The following NR4A2 variants were observed in gnomAD, a reference collection of about 807,000 sequenced individuals.
NR4A2 encodes nuclear receptor subfamily 4 group A member 2.
Under a neutral mutation model 50.5 loss-of-function variants are expected in NR4A2, and 1 was observed. The ratio of observed to expected loss-of-function variants is 0.02; its 90% CI spans 0.01 to 0.09. The LOEUF (loss-of-function observed/expected upper bound fraction) is 0.09. Among genes scored for constraint, NR4A2 ranks in the 10% least tolerant of loss-of-function variants. The pLI, the probability that NR4A2 is intolerant of heterozygous loss-of-function variation, is 1.00. For synonymous variants in NR4A2, 328 were observed against 309.4 expected (o/e 1.06, Z -0.63); for missense variants, 613 against 777.3 (o/e 0.79, Z 2.51).
chr2:156,326,289 C>T lies in NR4A2; in HGVS notation c.1401G>A (p.Gly467=). ...PVEGKLIFCN[G]VVLHRLQCVR... ...CGCATTGCAACCTGTGCAAGACCACCCCATTGCAAAAGATGAGTTTACCCT... is the reference window on the plus strand; with the variant it reads ...CGCATTGCAACCTGTGCAAGACCACTCCATTGCAAAAGATGAGTTTACCCT... The change falls in exon 7 of 8, where the codon GGG becomes GGA. Residue 467 remains glycine, a synonymous_variant. Transcript: ENST00000339562. This position sits in a 1 kb window ranked among gnomAD's most constrained non-coding sequence, Gnocchi z 4.2. The T allele has an allele frequency of 1.2e-6, 2 of 1,614,160 alleles. No individual in the cohort carries two copies. Among genetic ancestry groups the T allele is most frequent in the Non-Finnish European group, 1.7e-6 (2 of 1,180,020 alleles).
At position 156,329,699 on chromosome 2, in the gene NR4A2, A is replaced by G; in HGVS notation, c.488T>C (p.Ile163Thr). 1 of 1,614,000 alleles carries G rather than the reference A, an allele frequency of 6.2e-7. No homozygotes were observed. The highest frequency in any genetic ancestry group is 1.3e-5 in the African/African-American group (1 of 75,014). Residue 163 changes from isoleucine (I) to threonine (T), a missense_variant, in exon 3 of 8, where the codon ATC (isoleucine) becomes ACC (threonine). By Grantham distance (89) the Ile-to-Thr change is moderately conservative. This residue lies in a region of NR4A2 where 275 missense variants were observed against 248.9 expected (regional missense o/e 1.10). Transcript: ENST00000339562. The surrounding 1 kb of genome is among the most constrained non-coding windows in gnomAD (Gnocchi z 7.5). Reference sequence around the variant, plus strand: ...GGAGACTGGCGTTTTCCTCTGCTCGATCATGTGCGTAGTGGCCACGTAGTT... The same window carrying G: ...GGAGACTGGCGTTTTCCTCTGCTCGGTCATGTGCGTAGTGGCCACGTAGTT... ...HQNYVATTHMIEQRKTPVSRL... is the reference protein window; with the variant it reads ...HQNYVATTHMTEQRKTPVSRL...
At position 156,329,061 on chromosome 2, in the gene NR4A2, C is replaced by G. The variant is rs570499510; in HGVS notation, c.864+262G>C. Among the ~76,000 whole-genome samples, 4 of 152,368 alleles carry G rather than the reference C, an allele frequency of 2.6e-5. No homozygotes were observed. Among genetic ancestry groups the G allele is most frequent in the African/African-American group, 9.6e-5 (4 of 41,594 alleles). ...CTTCCAACTCCGGCTCCAGCAACTT[C>G]GGGCGGGGGCCAGCCGGGTCGGCTG... On this transcript the variant is annotated intron_variant, in intron 3 of 7. Transcript: ENST00000339562. This position sits in a 1 kb window ranked among gnomAD's most constrained non-coding sequence, Gnocchi z 7.5.
rs1686736192 is a variant in NR4A2, at chr2:156,328,077, C to T, written c.995-63G>A. 2 of 1,561,510 alleles carry T rather than the reference C, an allele frequency of 1.3e-6. No individual in the cohort carries two copies. The highest frequency in any genetic ancestry group is 1.9e-5 in the Admixed American group (1 of 53,090). ...GCCCAGGCCCAGCTGCTGCCTCGGT[C>T]CCTCCCCGGGGAAGGCCGCAGCCGC... On this transcript the variant is annotated intron_variant, in intron 4 of 7. Coordinates refer to ENST00000339562, the MANE Select transcript of NR4A2 (RefSeq NM_006186.4). The surrounding 1 kb of genome is among the most constrained non-coding windows in gnomAD (Gnocchi z 4.9).
chr2:156,328,545 G>T lies in NR4A2; in HGVS notation c.865-12C>A, dbSNP rs145436985. On this transcript the variant is annotated splice_polypyrimidine_tract_variant and intron_variant, in intron 3 of 7. Coordinates refer to ENST00000339562, the MANE Select transcript of NR4A2 (RefSeq NM_006186.4). The surrounding 1 kb of genome is among the most constrained non-coding windows in gnomAD (Gnocchi z 4.9). ...TTTTGCACTGTGCGCTGCAAAAGGAGACAATATAGACCAACATTTTTTTTC... is the reference window on the plus strand; with the variant it reads ...TTTTGCACTGTGCGCTGCAAAAGGATACAATATAGACCAACATTTTTTTTC... 5.1e-5 allele frequency: 82 copies of T among 1,614,174 alleles called. No homozygotes were observed. In the African/African-American group the frequency reaches 1.0e-3, roughly 20 times the overall value.
chr2:156,331,339 T>C (rs367862411), intron 1 of NR4A2, among the ~76,000 whole-genome samples: 3 of 152,240 alleles, frequency 2.0e-5, no homozygotes, highest in Non-Finnish European at 4.4e-5. Flanking sequence ...TCCGCACTTC[T>C]AAAGTGCTTT....
At position 156,326,160 on chromosome 2, in the gene NR4A2, A is replaced by G. The variant is rs755616853; in HGVS notation, c.1530T>C (p.Ala510=). The G allele has an allele frequency of 1.2e-6, 2 of 1,614,232 alleles. No individual in the cohort carries two copies. Among genetic ancestry groups the G allele is most frequent in the Admixed American group, 3.3e-5 (2 of 60,020 alleles). The change falls in exon 7 of 8, where the codon GCT becomes GCC. Residue 510 remains alanine, a synonymous_variant. Transcript: ENST00000339562. This position sits in a 1 kb window ranked among gnomAD's most constrained non-coding sequence, Gnocchi z 4.2. ...ISAFSCIAAL[A]MVTERHGLKE... ...GCCTGCAGTACTGACCTGTGACCAT[A>G]GCCAGGGCAGCAATGCAGGAGAAGG...
Position 156,326,770 on chromosome 2 carries a change from G to C in NR4A2, c.1309C>G (p.Leu437Val). 1 of 1,614,204 alleles carries C rather than the reference G, an allele frequency of 6.2e-7. No homozygotes were observed. Among genetic ancestry groups the C allele is most frequent in the African/African-American group, 1.3e-5 (1 of 75,046 alleles). ...FADLPKADQD[L>V]LFESAFLELF... ...TCTAAGAAAGCTGATTCAAAAAGCAGGTCTTGGTCGGCTTTGGGCAGGTCT... is the reference window on the plus strand; with the variant it reads ...TCTAAGAAAGCTGATTCAAAAAGCACGTCTTGGTCGGCTTTGGGCAGGTCT... Residue 437 changes from leucine (L) to valine (V), a missense_variant, in exon 6 of 8, where the codon CTG (leucine) becomes GTG (valine). Physicochemically the swap from Leu to Val is conservative, Grantham distance 32. Around this residue, in one of 4 missense-constraint regions of NR4A2, gnomAD observed 250 missense variants for 311.3 expected, o/e 0.80. Coordinates refer to ENST00000339562, the MANE Select transcript of NR4A2 (RefSeq NM_006186.4). The surrounding 1 kb of genome is among the most constrained non-coding windows in gnomAD (Gnocchi z 4.2).
At position 156,326,991 on chromosome 2, in the gene NR4A2, G is replaced by T. The variant is rs17838531; in HGVS notation, c.1159-71C>A. 2.8e-6 allele frequency: 4 copies of T among 1,442,776 alleles called. No individual in the cohort carries two copies. The highest frequency in any genetic ancestry group is 3.9e-6 in the Non-Finnish European group (4 of 1,031,198). 89.4% of individuals were successfully genotyped at this position (1,442,776 alleles called of 1,614,324 possible). ...TATAACCCGTGAAATTGCTAACCCCGTTTCTAATAGGGGAGCCAGGTTTTT... is the reference window on the plus strand; with the variant it reads ...TATAACCCGTGAAATTGCTAACCCCTTTTCTAATAGGGGAGCCAGGTTTTT... On this transcript the variant is annotated intron_variant, in intron 5 of 7. Coordinates refer to ENST00000339562, the MANE Select transcript of NR4A2 (RefSeq NM_006186.4). The surrounding 1 kb of genome is among the most constrained non-coding windows in gnomAD (Gnocchi z 4.2).
Position 156,330,052 on chromosome 2 carries a change from G to A in NR4A2, c.135C>T (p.Asp45=). Residue 45 remains aspartate (D), a synonymous_variant, in exon 3 of 8, where the codon GAC becomes GAT. Coordinates refer to ENST00000339562, the MANE Select transcript of NR4A2 (RefSeq NM_006186.4). ...TGGCAGTGATTTCAGTGTTGGTGAG[G>A]TCCATGCTAAACTTGACAAACTCTG... is the stretch of plus-strand genomic sequence containing the variant. ...LTPEFVKFSM[D]LTNTEITATT... The A allele has an allele frequency of 6.2e-7, 1 of 1,614,174 alleles. No homozygotes were observed. Among genetic ancestry groups the A allele is most frequent in the African/African-American group, 1.3e-5 (1 of 75,028 alleles).
At position 156,325,579 on chromosome 2, in the gene NR4A2, T is replaced by G; in HGVS notation, c.*165A>C. The G allele has an allele frequency of 1.1e-6, 1 of 925,484 alleles. No individual in the cohort carries two copies. The highest frequency in any genetic ancestry group is 1.7e-6 in the Non-Finnish European group (1 of 592,902). The allele number at this position is 925,484 out of a possible 1,614,324, so 57.3% of individuals were successfully genotyped here. A position where few individuals can be genotyped will look rare whatever the true frequency, so the allele number is the denominator to read the frequency against. On this transcript the variant is annotated 3_prime_UTR_variant, in exon 8 of 8. Coordinates refer to ENST00000339562, the MANE Select transcript of NR4A2 (RefSeq NM_006186.4). Reference sequence around the variant, plus strand: ...TTAGGAAATAGCAACAGTTTTTGTTTGTTTGTTTGTTTTCTTTAGGGATCA... The same window carrying G: ...TTAGGAAATAGCAACAGTTTTTGTTGGTTTGTTTGTTTTCTTTAGGGATCA...
rs1005616438 is a variant in NR4A2 at position 156,325,629 on chromosome 2, TG to T, written c.*114del. 4 of 1,326,046 alleles carry T rather than the reference TG, an allele frequency of 3.0e-6. No individual in the cohort carries two copies. Among genetic ancestry groups the T allele is most frequent in the South Asian group, 2.4e-5 (2 of 84,462 alleles). 82.1% of individuals were successfully genotyped at this position (1,326,046 alleles called of 1,614,324 possible). On this transcript the variant is annotated 3_prime_UTR_variant, in exon 8 of 8. Coordinates refer to ENST00000339562, the MANE Select transcript of NR4A2 (RefSeq NM_006186.4). ...AAGGGGGCTAGGAGGGTTACAGAAATGGGGGGCAGCTTGAGCTGAGACTGCT... is the reference window on the plus strand; with the variant it reads ...AAGGGGGCTAGGAGGGTTACAGAAATGGGGGCAGCTTGAGCTGAGACTGCT...
At chr2:156,330,567 G>A (rs993542435) in intron 2 of NR4A2, 101 bp downstream of exon 2, 15 of 1,271,550 alleles carry the variant, frequency 1.2e-5, no homozygotes, top group South Asian at 1.7e-5. Context: ...TCCCGAAGGC[G>A]ATGGGTCGGG....
Position 156,330,059 on chromosome 2 carries a change from C to G in NR4A2, c.128G>C (p.Ser43Thr). ...GATTTCAGTGTTGGTGAGGTCCATGCTAAACTTGACAAACTCTGGAGTTAA... is the reference window on the plus strand; with the variant it reads ...GATTTCAGTGTTGGTGAGGTCCATGGTAAACTTGACAAACTCTGGAGTTAA... Reference protein sequence around the residue: ...DFLTPEFVKFSMDLTNTEITA... With the variant: ...DFLTPEFVKFTMDLTNTEITA... Residue 43 changes from serine to threonine, a missense_variant, in exon 3 of 8, where the codon AGC becomes ACC. Physicochemically the swap from Ser to Thr is moderately conservative, Grantham distance 58 (BLOSUM62 1). Around this residue, in one of 4 missense-constraint regions of NR4A2, gnomAD observed 61 missense variants for 96.4 expected, o/e 0.63. Transcript: ENST00000339562. The G allele has an allele frequency of 1.2e-6, 2 of 1,614,146 alleles. No homozygotes were observed. Among genetic ancestry groups the G allele is most frequent in the Non-Finnish European group, 1.7e-6 (2 of 1,180,018 alleles).
At position 156,329,635 on chromosome 2, in the gene NR4A2, G is replaced by A; in HGVS notation, c.552C>T (p.Gly184=). The change falls in exon 3 of 8, where the codon GGC becomes GGT. Residue 184 remains glycine (G), a synonymous_variant. Coordinates refer to ENST00000339562, the MANE Select transcript of NR4A2 (RefSeq NM_006186.4). The surrounding 1 kb of genome is among the most constrained non-coding windows in gnomAD (Gnocchi z 7.5). ...GCATCTGGCAACTAGACACCGGGGT[G>A]CCAGGGGGCGATTGCTTAAAGGAGA... ...SLFSFKQSPP[G]TPVSSCQMRF... is the part of the protein sequence containing the mutation. The A allele has an allele frequency of 6.2e-7, 1 of 1,613,508 alleles. No homozygotes were observed. The highest frequency in any genetic ancestry group is 1.1e-5 in the South Asian group (1 of 91,062).
Position 156,332,632 on chromosome 2 carries a change from G to A in NR4A2, c.-279C>T. 1 of 562,748 alleles carries A rather than the reference G, an allele frequency of 1.8e-6. No individual in the cohort carries two copies. Among genetic ancestry groups the A allele is most frequent in the Non-Finnish European group, 3.0e-6 (1 of 330,398 alleles). 34.9% of individuals were successfully genotyped at this position (562,748 alleles called of 1,614,324 possible). ...AGGGAGGGAGCAGGGACAGGCGGCC[G>A]GCTGGACAGGCAAAAGGGACCGCGG... On this transcript the variant is annotated 5_prime_UTR_variant, in exon 1 of 8. Coordinates refer to ENST00000339562, the MANE Select transcript of NR4A2 (RefSeq NM_006186.4).
rs1686644830 is a variant in NR4A2, at chr2:156,326,411, G to A, written c.1362-83C>T. 8 of 1,303,832 alleles carry A rather than the reference G, an allele frequency of 6.1e-6. No individual in the cohort carries two copies. The highest frequency in any genetic ancestry group is 3.4e-5 in the Admixed American group (2 of 58,158). 80.8% of individuals were successfully genotyped at this position (1,303,832 alleles called of 1,614,324 possible). Reference sequence around the variant, plus strand: ...ACTAATTACTTGAAGAGCAATAAATGAGGGATTTAAGAGTCACCTAATTAC... The same window carrying A: ...ACTAATTACTTGAAGAGCAATAAATAAGGGATTTAAGAGTCACCTAATTAC... On this transcript the variant is annotated intron_variant, in intron 6 of 7. Coordinates refer to ENST00000339562, the MANE Select transcript of NR4A2 (RefSeq NM_006186.4). This position sits in a 1 kb window ranked among gnomAD's most constrained non-coding sequence, Gnocchi z 4.2.
rs143064317 is a variant in NR4A2 at position 156,329,602 on chromosome 2, G to A, written c.585C>T (p.Asp195=). Residue 195 remains aspartate, a synonymous_variant, in exon 3 of 8, where the codon GAC becomes GAT. Transcript: ENST00000339562. This position sits in a 1 kb window ranked among gnomAD's most constrained non-coding sequence, Gnocchi z 7.5. ...TPVSSCQMRF[D]GPLHVPMNPE... is the part of the protein sequence containing the mutation. The stretch of plus-strand genomic sequence containing the variant: ...GGTTCATGGGGACGTGCAGGGGCCC[G>A]TCGAAGCGCATCTGGCAACTAGACA... 1.3e-4 allele frequency: 205 copies of A among 1,609,390 alleles called. 1 individual carries two copies. The African/African-American group carries it at 2.4e-3, about 19-fold the overall frequency.
At position 156,329,738 on chromosome 2, in the gene NR4A2, T is replaced by G; in HGVS notation, c.449A>C (p.His150Pro). 1 of 1,613,928 alleles carries G rather than the reference T, an allele frequency of 6.2e-7. No individual in the cohort carries two copies. The highest frequency in any genetic ancestry group is 8.5e-7 in the Non-Finnish European group (1 of 1,179,886). ...GGCCACGTAGTTCTGGTGGAAGTTG[T>G]GGAGAGATCCCGGGTCGTCCCACAT... Reference protein sequence around the residue: ...SPMWDDPGSLHNFHQNYVATT... With the variant: ...SPMWDDPGSLPNFHQNYVATT... The change falls in exon 3 of 8, where the codon CAC (histidine) becomes CCC (proline). Residue 150 changes from histidine to proline, a missense_variant. Physicochemically the swap from His to Pro is moderately conservative, Grantham distance 77. Transcript: ENST00000339562. This position sits in a 1 kb window ranked among gnomAD's most constrained non-coding sequence, Gnocchi z 7.5.
At chr2:156,330,609 T>A in intron 2 of NR4A2, 59 bp downstream of exon 2, 1 of 1,366,632 alleles carries the variant, frequency 7.3e-7, no homozygotes, top group South Asian at 2.0e-5. Flanking sequence ...TGCCTTGTCC[T>A]GTTTCTTGAT....
Sources: gnomAD v4.1 joint callset for allele counts (sites outside exome capture counted in the v4.1 genomes callset) on GRCh38, gnomAD v4.1.1 for gene constraint, gnomAD v4.1.1 regional missense constraint, Gnocchi (gnomAD v3.1) non-coding constraint, MANE v1.5 for transcripts, NCBI Gene and HGNC (gene_info 2026-07-23, HGNC 2026-07-21) for gene names.